The following DRC11 variants were observed in gnomAD, a reference collection of about 807,000 sequenced individuals.
DRC11 encodes the protein dynein regulatory complex subunit 11, also known as IQ and AAA domain-containing protein 1.
the DRC11 span, chr2:236,399,579 C>T: frequency 3.5e-5 from 36 of 1,016,846 alleles, no homozygotes; most frequent in East Asian, 7.2e-5. The surrounding 1 kb of genome is among the most constrained non-coding windows in gnomAD (Gnocchi z 7.0). Context: ...GGGTCCATGC[C>T]GCGCAGGCCC....
the DRC11 span, among the ~76,000 whole-genome samples, chr2:236,357,029 A>AT: frequency 1.6e-4 from 14 of 86,744 alleles, no homozygotes; most frequent in African/African-American, 4.4e-4. Flanking sequence ...ATATCTATAT[A>AT]TTTATATATT....
At chr2:236,388,948 G>C in the DRC11 span, among the ~76,000 whole-genome samples, 1 of 152,144 alleles carries the variant, frequency 6.6e-6, no homozygotes, top group African/African-American at 2.4e-5. Context: ...GCCCCTGCTG[G>C]GGGGTGCCTC....
At chr2:236,357,027 ATATTTATATATTCATATATTATATATC>A in the DRC11 span, among the ~76,000 whole-genome samples, 29 of 109,376 alleles carry the variant, frequency 2.7e-4, no homozygotes, top group East Asian at 1.1e-3. Context: ...ATATATCTAT[ATATTTATATATTCATATATTATATATC>A]TATTTATATA....
chr2:236,401,341 G>A, the DRC11 span, among the ~76,000 whole-genome samples: 45 of 152,202 alleles, frequency 3.0e-4, no homozygotes, highest in South Asian at 2.1e-4. This position sits in a 1 kb window ranked among gnomAD's most constrained non-coding sequence, Gnocchi z 4.6. Flanking sequence ...CAGACCTCCC[G>A]TCCTCCTGAA....
chr2:236,467,136 A>G, the DRC11 span, among the ~76,000 whole-genome samples: 3 of 152,220 alleles, frequency 2.0e-5, no homozygotes, highest in Non-Finnish European at 4.4e-5. Flanking sequence ...AAAGTCCATC[A>G]AAATGTATGT....
At chr2:236,495,163 T>A in the DRC11 span, among the ~76,000 whole-genome samples, 1 of 151,974 alleles carries the variant, frequency 6.6e-6, no homozygotes, top group African/African-American at 2.4e-5. This position sits in a 1 kb window ranked among gnomAD's most constrained non-coding sequence, Gnocchi z 5.6. Context: ...GTCAACATGG[T>A]GAAACCCCAT....
chr2:236,329,565 T>G, the DRC11 span, among the ~76,000 whole-genome samples: 1 of 151,884 alleles, frequency 6.6e-6, no homozygotes, highest in African/African-American at 2.4e-5. Context: ...GGAAGCACAA[T>G]TAGGTGAAAT....
At chr2:236,495,107 C>G in the DRC11 span, among the ~76,000 whole-genome samples, 50 of 152,264 alleles carry the variant, frequency 3.3e-4, no homozygotes, top group Admixed American at 1.4e-3. The surrounding 1 kb of genome is among the most constrained non-coding windows in gnomAD (Gnocchi z 5.6). Flanking sequence ...CTTGGGGAGG[C>G]TGAGGCAGGT....
chr2:236,307,197 C>A, the DRC11 span, among the ~76,000 whole-genome samples: 1 of 152,194 alleles, frequency 6.6e-6, no homozygotes, highest in Non-Finnish European at 1.5e-5. The surrounding 1 kb of genome is among the most constrained non-coding windows in gnomAD (Gnocchi z 7.0). Flanking sequence ...CAGGTGGATT[C>A]ATCAATTCCT....
At chr2:236,353,576 C>G in the DRC11 span, among the ~76,000 whole-genome samples, 1 of 152,002 alleles carries the variant, frequency 6.6e-6, no homozygotes. The surrounding 1 kb of genome is among the most constrained non-coding windows in gnomAD (Gnocchi z 5.0). Flanking sequence ...TTTTGCTTGC[C>G]AAGGAGAACT....
the DRC11 span, among the ~76,000 whole-genome samples, chr2:236,306,927 C>T: frequency 5.3e-5 from 8 of 151,902 alleles, no homozygotes; most frequent in African/African-American, 1.5e-4. The surrounding 1 kb of genome is among the most constrained non-coding windows in gnomAD (Gnocchi z 5.9). Context: ...AGGTTATGTC[C>T]GTCCCACTGT....
the DRC11 span, among the ~76,000 whole-genome samples, chr2:236,330,583 T>C: frequency 6.6e-6 from 1 of 152,222 alleles, no homozygotes; most frequent in African/African-American, 2.4e-5. The surrounding 1 kb of genome is among the most constrained non-coding windows in gnomAD (Gnocchi z 5.5). Context: ...ATTTTCCTGA[T>C]GTTAAGCAGG....
chr2:236,396,550 A>G, the DRC11 span, among the ~76,000 whole-genome samples: 1 of 152,126 alleles, frequency 6.6e-6, no homozygotes, highest in African/African-American at 2.4e-5. Flanking sequence ...AGGCGTGGAC[A>G]GTTTTCAGAG....
At chr2:236,461,796 T>C in the DRC11 span, among the ~76,000 whole-genome samples, 1,017 of 152,246 alleles carry the variant, frequency 6.7e-3, 15 homozygotes, top group African/African-American at 0.022. This position sits in a 1 kb window ranked among gnomAD's most constrained non-coding sequence, Gnocchi z 4.0. Context: ...AGCTATTTTG[T>C]GGGAAGCAAT....
At chr2:236,434,502 G>T in the DRC11 span, among the ~76,000 whole-genome samples, 2 of 152,170 alleles carry the variant, frequency 1.3e-5, no homozygotes, top group Non-Finnish European at 2.9e-5. The surrounding 1 kb of genome is among the most constrained non-coding windows in gnomAD (Gnocchi z 5.5). Flanking sequence ...TCAGTGCAGG[G>T]AGGTAGACGT....
chr2:236,377,076 T>A, the DRC11 span: 1 of 1,358,118 alleles, frequency 7.4e-7, no homozygotes, highest in East Asian at 2.3e-5. This position sits in a 1 kb window ranked among gnomAD's most constrained non-coding sequence, Gnocchi z 4.9. Flanking sequence ...ACGTGACACA[T>A]ACATGTATTA....
the DRC11 span, among the ~76,000 whole-genome samples, chr2:236,357,798 T>C: frequency 7.9e-6 from 1 of 126,536 alleles, no homozygotes; most frequent in Admixed American, 8.5e-5. Flanking sequence ...ATACATATAC[T>C]ATATAAATAT....
the DRC11 span, among the ~76,000 whole-genome samples, chr2:236,397,990 T>G: frequency 2.6e-5 from 4 of 152,234 alleles, no homozygotes; most frequent in Admixed American, 2.6e-4. The surrounding 1 kb of genome is among the most constrained non-coding windows in gnomAD (Gnocchi z 5.0). Context: ...TTTTTGATAG[T>G]GACTGCTCTG....
chr2:236,475,927 T>C, the DRC11 span, among the ~76,000 whole-genome samples: 6 of 152,218 alleles, frequency 3.9e-5, no homozygotes, highest in Non-Finnish European at 5.9e-5. The surrounding 1 kb of genome is among the most constrained non-coding windows in gnomAD (Gnocchi z 4.8). Flanking sequence ...TCCACTGGTC[T>C]GTGTGTCTGT....
Sources: gnomAD v4.1 joint callset for allele counts (sites outside exome capture counted in the v4.1 genomes callset) on GRCh38, gnomAD v4.1.1 for gene constraint, Gnocchi (gnomAD v3.1) non-coding constraint, MANE v1.5 for transcripts, NCBI Gene and HGNC (gene_info 2026-07-23, HGNC 2026-07-21) for gene names.